GGNBP2: variants seen among roughly 807,000 people sequenced by gnomAD.
The protein encoded by GGNBP2 is gametogenetin binding protein 2.
Under a neutral mutation model 85.9 loss-of-function variants are expected in GGNBP2, and 10 were observed. That is an observed-to-expected ratio of 0.12 (90% CI 0.07 to 0.20). The LOEUF is 0.20. Among genes scored for constraint, GGNBP2 ranks in the 10% least tolerant of loss-of-function variants. The pLI, the probability that GGNBP2 is intolerant of heterozygous loss-of-function variation, is 1.00. For synonymous variants in GGNBP2, 287 were observed against 285.7 expected (o/e 1.00, Z -0.05); for missense variants, 595 against 857.8 (o/e 0.69, Z 3.83).
intron 1 of GGNBP2, 60 bp from the exon 2 acceptor site, chr17:36,545,559 C>A (rs992353623): frequency 3.4e-6 from 2 of 590,242 alleles, no homozygotes; most frequent in Non-Finnish European, 6.1e-6. Context: ...TCCCTGCCCC[C>A]CGTGGCGAAT....
intron 1 of GGNBP2, chr17:36,545,391 G>A (rs1175861190): frequency 3.3e-6 from 1 of 300,488 alleles, no homozygotes; most frequent in Non-Finnish European, 6.1e-6. Flanking sequence ...TTTGGACCCT[G>A]ACTGGAGGCC....
intron 2 of GGNBP2, chr17:36,546,215 T>C (rs945815966): frequency 5.4e-5 from 20 of 368,580 alleles, no homozygotes; most frequent in Non-Finnish European, 7.8e-5. Context: ...GCAGCTGCAC[T>C]GCTACCTGTG....
chr17:36,589,480 CTCTT>C lies in GGNBP2; in HGVS notation c.*70_*73del. The C allele has an allele frequency of 1.6e-6, 2 of 1,280,934 alleles. No homozygotes were observed. The highest frequency in any genetic ancestry group is 2.2e-6 in the Non-Finnish European group (2 of 905,422). The allele number at this position is 1,280,934 out of a possible 1,614,324, so 79.3% of individuals were successfully genotyped here. On this transcript the variant is annotated 3_prime_UTR_variant, in exon 14 of 14. Coordinates refer to ENST00000613102, the MANE Select transcript of GGNBP2 (RefSeq NM_024835.5). ...CTACTGCGCCTTCTCTTTCGAAAAA[CTCTT>C]AATTTAGTGACTTATGGCAAAATTT...
chr17:36,573,620 C>T (rs1555607209), intron 6 of GGNBP2, among the ~76,000 whole-genome samples: 2 of 152,138 alleles, frequency 1.3e-5, no homozygotes, highest in African/African-American at 4.8e-5. Flanking sequence ...GCAGCTGTAC[C>T]GTTTTATATT....
rs1277410895 is a variant in GGNBP2 at position 36,587,123 on chromosome 17, A to G, written c.1768A>G (p.Lys590Glu). Residue 590 changes from lysine to glutamate, a missense_variant, in exon 13 of 14, where the codon AAG becomes GAG. Lys to Glu is a moderately conservative substitution (Grantham distance 56). This residue lies in a region of GGNBP2 where 120 missense variants were observed against 126.3 expected (regional missense o/e 0.95). Coordinates refer to ENST00000613102, the MANE Select transcript of GGNBP2 (RefSeq NM_024835.5). Reference protein sequence around the residue: ...THPESCCSSEKGGQPLPWFEH... With the variant: ...THPESCCSSEEGGQPLPWFEH... The stretch of plus-strand genomic sequence containing the variant: ...TCCTGAAAGCTGTTGCAGCTCTGAA[A>G]AGGGTGGGCAGCCATTGCCTTGGTT... 1 of 1,614,148 alleles carries G rather than the reference A, an allele frequency of 6.2e-7. No individual in the cohort carries two copies. Among genetic ancestry groups the G allele is most frequent in the South Asian group, 1.1e-5 (1 of 91,076 alleles).
intron 6 of GGNBP2, 138 bp downstream of exon 6, chr17:36,567,914 A>G (rs1432800001): frequency 1.0e-5 from 5 of 485,502 alleles, no homozygotes; most frequent in South Asian, 3.9e-5. Context: ...GGAGCTTAAT[A>G]TTAGAGTAGG....
At position 36,545,829 on chromosome 17, in the gene GGNBP2, G is replaced by A; in HGVS notation, c.93+12G>A. 2.0e-6 allele frequency: 3 copies of A among 1,509,472 alleles called. No individual in the cohort carries two copies. The highest frequency in any genetic ancestry group is 2.7e-6 in the Non-Finnish European group (3 of 1,117,044). 93.5% of individuals were successfully genotyped at this position (1,509,472 alleles called of 1,614,324 possible). ...ACGACACCCTGACGGTGAGCGGGCC[G>A]GGCCGGGCTGGGCCCGCCGCTCCCC... On this transcript the variant is annotated intron_variant, in intron 2 of 13. Coordinates refer to ENST00000613102, the MANE Select transcript of GGNBP2 (RefSeq NM_024835.5).
chr17:36,548,218 G>T (rs998863374), intron 2 of GGNBP2, among the ~76,000 whole-genome samples: 2 of 152,174 alleles, frequency 1.3e-5, no homozygotes, highest in African/African-American at 4.8e-5. Context: ...ACAGGCAGTT[G>T]CAGACTTTAT....
chr17:36,562,439 G>A (rs966652074), intron 5 of GGNBP2, among the ~76,000 whole-genome samples: 1 of 151,978 alleles, frequency 6.6e-6, no homozygotes, highest in East Asian at 1.9e-4. Flanking sequence ...AAAGTGCTGG[G>A]ATTACAGGCG....
At chr17:36,588,456 A>C (rs919167322) in intron 13 of GGNBP2, among the ~76,000 whole-genome samples, 4 of 152,050 alleles carry the variant, frequency 2.6e-5, no homozygotes, top group Non-Finnish European at 4.4e-5. Context: ...GGGTTTCTCC[A>C]TGTTGGTCAG....
chr17:36,556,977 C>A, intron 3 of GGNBP2, 106 bp from the exon 4 acceptor site: 1 of 1,350,470 alleles, frequency 7.4e-7, no homozygotes, highest in Non-Finnish European at 1.0e-6. Context: ...CTGGTAAACC[C>A]TGGCCAGGTT....
intron 2 of GGNBP2, among the ~76,000 whole-genome samples, chr17:36,549,785 T>C (rs1185031592): frequency 1.3e-5 from 2 of 152,222 alleles, no homozygotes; most frequent in Admixed American, 6.5e-5. Context: ...TTGTTCTAGT[T>C]TTTGCTATGA....
intron 12 of GGNBP2, 79 bp from the exon 13 acceptor site, chr17:36,586,918 T>C (rs1599553839): frequency 3.8e-5 from 2 of 52,796 alleles, no homozygotes; most frequent in Non-Finnish European, 7.2e-5. Context: ...CGTGCCCCGC[T>C]TTTTTTTTTT....
At chr17:36,580,657 T>G (rs1248516377) in intron 8 of GGNBP2, among the ~76,000 whole-genome samples, 2 of 151,538 alleles carry the variant, frequency 1.3e-5, no homozygotes, top group African/African-American at 4.8e-5. Flanking sequence ...TGGTGTCTCA[T>G]GCCTGTAATC....
chr17:36,557,472 A>AT, intron 4 of GGNBP2, 136 bp downstream of exon 4: 1 of 731,854 alleles, frequency 1.4e-6, no homozygotes, highest in Non-Finnish European at 2.2e-6. Context: ...GTACCAGTGG[A>AT]TGTAAAGTTT....
intron 9 of GGNBP2, among the ~76,000 whole-genome samples, chr17:36,583,625 A>AT (rs965193298): frequency 3.3e-5 from 5 of 150,792 alleles, no homozygotes; most frequent in African/African-American, 4.9e-5. Context: ...TGCCCGGCTA[A>AT]TTTTTTTTTG....
chr17:36,580,469 C>T (rs1244326577), intron 8 of GGNBP2, among the ~76,000 whole-genome samples: 1 of 151,798 alleles, frequency 6.6e-6, no homozygotes, highest in Non-Finnish European at 1.5e-5. Context: ...GCCTTGGCCT[C>T]CCAAAGTGCT....
chr17:36,570,413 T>C (rs2074511444), intron 6 of GGNBP2, among the ~76,000 whole-genome samples: 1 of 151,688 alleles, frequency 6.6e-6, no homozygotes, highest in Non-Finnish European at 1.5e-5. Context: ...TAAAATAAAA[T>C]TAGCAGCTGG....
chr17:36,582,577 T>C (rs1300004469), intron 9 of GGNBP2: 1 of 152,198 alleles, frequency 6.6e-6, no homozygotes, highest in Non-Finnish European at 1.5e-5. Context: ...TTTGCTAGAT[T>C]TGGGCATTTT....
Sources: allele counts gnomAD v4.1 joint callset (sites outside exome capture counted in the v4.1 genomes callset), GRCh38; gene constraint gnomAD v4.1.1; regional missense constraint gnomAD v4.1.1; transcripts MANE v1.5; gene names NCBI Gene and HGNC (gene_info 2026-07-23, HGNC 2026-07-21).